Variants in DLGAP2 observed in about 807,000 individuals in gnomAD.
DLGAP2 encodes the protein disks large-associated protein 2.
Under a neutral mutation model 100.3 loss-of-function variants are expected in DLGAP2, and 26 were observed. That is an observed-to-expected ratio of 0.26 (90% CI 0.19 to 0.36). DLGAP2 has a LOEUF of 0.36. Among genes scored for constraint, DLGAP2 ranks in the 10% least tolerant of loss-of-function variants. DLGAP2 has a pLI of 1.00. For missense variants in DLGAP2, 1,858 were observed against 1,453.2 expected (o/e 1.28, Z -4.53); for synonymous variants, 886 against 630.1 (o/e 1.41, Z -6.08).
intron 4 of DLGAP2, among the ~76,000 whole-genome samples, chr8:1,532,907 G>C (rs1314054806): frequency 6.6e-6 from 1 of 152,134 alleles, no homozygotes; most frequent in African/African-American, 2.4e-5. Flanking sequence ...GAGCGTGGCT[G>C]CCTTTCCACC....
intron 2 of DLGAP2, among the ~76,000 whole-genome samples, chr8:1,214,255 C>G (rs1267037547): frequency 6.6e-6 from 1 of 152,206 alleles, no homozygotes; most frequent in Non-Finnish European, 1.5e-5. Context: ...TCCCAACCAA[C>G]CCAGGTGGAA....
At chr8:1,051,694 CG>C (rs906982392) in intron 2 of DLGAP2, among the ~76,000 whole-genome samples, 1 of 152,078 alleles carries the variant, frequency 6.6e-6, no homozygotes, top group Non-Finnish European at 1.5e-5. Context: ...TTTAGACTCA[CG>C]GAAGCTGCTT....
intron 2 of DLGAP2, among the ~76,000 whole-genome samples, chr8:1,013,302 G>T (rs1308412841): frequency 6.6e-6 from 1 of 152,196 alleles, no homozygotes; most frequent in African/African-American, 2.4e-5. Context: ...ATACAGTAGA[G>T]CTTTGAGCAT....
intron 2 of DLGAP2, among the ~76,000 whole-genome samples, chr8:1,010,770 G>T (rs1372336586): frequency 2.0e-5 from 3 of 152,196 alleles, no homozygotes; most frequent in Non-Finnish European, 4.4e-5. Flanking sequence ...GTGTCTTGAA[G>T]ACTTTTTGTT....
At chr8:1,184,616 G>C (rs559699089) in intron 2 of DLGAP2, among the ~76,000 whole-genome samples, 1 of 152,312 alleles carries the variant, frequency 6.6e-6, no homozygotes, top group South Asian at 2.1e-4. Flanking sequence ...GGCAGATGCC[G>C]AGCCTGGGGC....
At chr8:1,387,560 C>A (rs948437007) in intron 3 of DLGAP2, among the ~76,000 whole-genome samples, 1 of 152,174 alleles carries the variant, frequency 6.6e-6, no homozygotes, top group African/African-American at 2.4e-5. Flanking sequence ...TCTGACGCCA[C>A]TGAACTGCAC....
At chr8:1,645,476 T>A (rs1033285082) in intron 8 of DLGAP2, among the ~76,000 whole-genome samples, 2 of 152,236 alleles carry the variant, frequency 1.3e-5, no homozygotes, top group African/African-American at 4.8e-5. Context: ...CCACTTACGA[T>A]GTTTTTAGTG....
rs760292742 is a variant in DLGAP2, at chr8:1,254,965, CTCA to C, written c.74-3883_74-3881del. 3.0e-3 allele frequency among the ~76,000 whole-genome samples: 407 copies of C among 136,894 alleles called. 5 individuals carry two copies. Among genetic ancestry groups the C allele is most frequent in the African/African-American group, 8.8e-3 (274 of 31,152 alleles). 89.8% of individuals were successfully genotyped at this position (136,894 alleles called of 152,430 possible). On this transcript the variant is annotated intron_variant, in intron 2 of 14. Coordinates refer to ENST00000637795, the MANE Select transcript of DLGAP2 (RefSeq NM_001346810.2). ...TGCCCGGGTGCTGTGTGTGTGTCCTCTCATCCTGTCCGGGTGCTGTGTGTGTGT... is the reference window on the plus strand; with the variant it reads ...TGCCCGGGTGCTGTGTGTGTGTCCTCTCCTGTCCGGGTGCTGTGTGTGTGT...
rs536361365 is a variant in DLGAP2, at chr8:1,556,818, C to T, written c.1230+7135C>T. 2.1e-4 allele frequency among the ~76,000 whole-genome samples: 32 copies of T among 152,328 alleles called. No individual in the cohort carries two copies. The South Asian group carries it at 6.2e-3, about 30-fold the overall frequency. On this transcript the variant is annotated intron_variant, in intron 5 of 14. Coordinates refer to ENST00000637795, the MANE Select transcript of DLGAP2 (RefSeq NM_001346810.2). ...AACAGGAAAGGAAAGACTTCCCACCCAAGCTAAATTGTTGTAGGGACACCA... is the reference window on the plus strand; with the variant it reads ...AACAGGAAAGGAAAGACTTCCCACCTAAGCTAAATTGTTGTAGGGACACCA...
chr8:914,463 T>A (rs1412709106), intron 2 of DLGAP2, among the ~76,000 whole-genome samples: 1 of 152,248 alleles, frequency 6.6e-6, no homozygotes, highest in Non-Finnish European at 1.5e-5. Context: ...GGGGTGTGGA[T>A]CAATAGTGTT....
Position 1,701,205 on chromosome 8 carries a change from G to A in DLGAP2, c.2967G>A (p.Pro989=), listed in dbSNP as rs753386928. The A allele has an allele frequency of 4.5e-6, 7 of 1,566,912 alleles. No individual in the cohort carries two copies. The highest frequency in any genetic ancestry group is 6.1e-6 in the Non-Finnish European group (7 of 1,156,612). ...SPERKEERKV[P]PPIPKKPPKG... ...CTTTTCAGGAAGAAAGAAAGGTCCC[G>A]CCTCCAATACCAAAGAAGCCTCCCA... Residue 989 remains proline (P), a synonymous_variant, in exon 15 of 15, where the codon CCG becomes CCA. Transcript: ENST00000637795.
At chr8:1,201,653 AGTG>A (rs2116759576) in intron 2 of DLGAP2, among the ~76,000 whole-genome samples, 1 of 152,316 alleles carries the variant, frequency 6.6e-6, no homozygotes, top group Admixed American at 6.5e-5. Flanking sequence ...CTCCTGGTTC[AGTG>A]CCTGTTTGTC....
intron 8 of DLGAP2, among the ~76,000 whole-genome samples, chr8:1,667,257 C>T (rs1798567575): frequency 1.3e-5 from 2 of 152,206 alleles, no homozygotes; most frequent in Admixed American, 6.5e-5. Context: ...AGCCTGAGTC[C>T]AGGCCAAGGT....
intron 4 of DLGAP2, among the ~76,000 whole-genome samples, chr8:1,538,465 A>G (rs1052006766): frequency 6.6e-6 from 1 of 152,206 alleles, no homozygotes. Context: ...ACTTCCTCTT[A>G]GATCCCCGGG....
At chr8:806,882 C>T (rs913559120) in intron 1 of DLGAP2, among the ~76,000 whole-genome samples, 4 of 152,136 alleles carry the variant, frequency 2.6e-5, no homozygotes, top group Non-Finnish European at 5.9e-5. Context: ...GACTGGGACC[C>T]CTAAGAGCAA....
intron 2 of DLGAP2, among the ~76,000 whole-genome samples, chr8:1,036,259 C>T (rs1401376415): frequency 1.3e-5 from 2 of 152,188 alleles, no homozygotes; most frequent in African/African-American, 4.8e-5. Context: ...TCATCCCGAC[C>T]CCACATGTTC....
intron 6 of DLGAP2, among the ~76,000 whole-genome samples, chr8:1,577,863 C>T (rs540577675): frequency 9.2e-5 from 14 of 152,300 alleles, no homozygotes; most frequent in Middle Eastern, 3.4e-3. Flanking sequence ...CCCCTGGCCC[C>T]GCAAGTCCTG....
At chr8:1,037,807 G>C (rs192842667) in intron 2 of DLGAP2, among the ~76,000 whole-genome samples, 28 of 152,292 alleles carry the variant, frequency 1.8e-4, no homozygotes, top group Admixed American at 1.8e-3. Flanking sequence ...GGGCTCTCCA[G>C]CGTTAATATG....
At chr8:813,161 A>G (rs1796402324) in intron 1 of DLGAP2, among the ~76,000 whole-genome samples, 1 of 152,188 alleles carries the variant, frequency 6.6e-6, no homozygotes, top group Admixed American at 6.5e-5. Context: ...TAAAATTGCT[A>G]TATTTTCTTA....
Sources: gnomAD v4.1 joint callset for allele counts (sites outside exome capture counted in the v4.1 genomes callset) on GRCh38, gnomAD v4.1.1 for gene constraint, MANE v1.5 for transcripts, NCBI Gene and HGNC (gene_info 2026-07-23, HGNC 2026-07-21) for gene names.